The following OSBPL6 variants were observed in gnomAD, a reference collection of about 807,000 sequenced individuals.
OSBPL6 encodes oxysterol binding protein like 6.
Under a neutral mutation model 125.8 loss-of-function variants are expected in OSBPL6, and 49 were observed. That is an observed-to-expected ratio of 0.39 (90% CI 0.31 to 0.49). The LOEUF (loss-of-function observed/expected upper bound fraction) is 0.49, where lower values mean the gene tolerates loss of function less well. Ranked by LOEUF, OSBPL6 falls within the 20% of genes least tolerant of loss-of-function variation. The pLI is 0.88. For missense variants in OSBPL6, 986 were observed against 1,135.4 expected (o/e 0.87, Z 1.89); for synonymous variants, 394 against 391.8 (o/e 1.01, Z -0.07).
At chr2:178,257,351 A>G (rs2091918430) in intron 1 of OSBPL6, among the ~76,000 whole-genome samples, 2 of 152,180 alleles carry the variant, frequency 1.3e-5, no homozygotes, top group South Asian at 4.1e-4. Flanking sequence ...AAATTTTTGC[A>G]TTTTTAGGAA....
At chr2:178,249,252 T>C (rs1019658484) in intron 1 of OSBPL6, among the ~76,000 whole-genome samples, 10 of 152,242 alleles carry the variant, frequency 6.6e-5, no homozygotes, top group Admixed American at 3.3e-4. Flanking sequence ...TATTGTATTT[T>C]TTAAGCAAAA....
intron 12 of OSBPL6, among the ~76,000 whole-genome samples, chr2:178,352,181 T>C (rs1691322007): frequency 6.6e-6 from 1 of 152,084 alleles, no homozygotes; most frequent in Admixed American, 6.5e-5. Context: ...ATGCAGAAGA[T>C]GGGTGATTTC....
At chr2:178,282,937 G>A (rs1320376196) in intron 1 of OSBPL6, among the ~76,000 whole-genome samples, 1 of 152,200 alleles carries the variant, frequency 6.6e-6, no homozygotes, top group East Asian at 1.9e-4. Flanking sequence ...ACAGGTGTGA[G>A]CCACTGCGCC....
intron 2 of OSBPL6, among the ~76,000 whole-genome samples, chr2:178,299,998 C>A (rs56876949): frequency 5.3e-4 from 80 of 152,172 alleles, no homozygotes; most frequent in African/African-American, 1.8e-3. Flanking sequence ...TAAATAGTTA[C>A]GCAAATATTT....
At chr2:178,307,960 T>C (rs1156975256) in intron 3 of OSBPL6, among the ~76,000 whole-genome samples, 1 of 152,102 alleles carries the variant, frequency 6.6e-6, no homozygotes, top group African/African-American at 2.4e-5. Context: ...AGCATGAAGG[T>C]GGAATGTGTG....
intron 4 of OSBPL6, among the ~76,000 whole-genome samples, chr2:178,325,539 T>C (rs947714690): frequency 6.6e-5 from 10 of 152,178 alleles, no homozygotes; most frequent in Admixed American, 1.3e-4. Flanking sequence ...AAATATAATA[T>C]GACTAGTAAT....
At chr2:178,391,971 A>G (rs372689249) in intron 22 of OSBPL6, among the ~76,000 whole-genome samples, 18 of 152,224 alleles carry the variant, frequency 1.2e-4, no homozygotes, top group African/African-American at 4.3e-4. Flanking sequence ...AAGACATACA[A>G]AGATCCTGCC....
intron 3 of OSBPL6, among the ~76,000 whole-genome samples, chr2:178,323,417 T>C (rs757445537): frequency 6.6e-6 from 1 of 152,226 alleles, no homozygotes; most frequent in Non-Finnish European, 1.5e-5. Flanking sequence ...TGTGCGTTTT[T>C]GTAAGAAACT....
rs1224093931 is a variant in OSBPL6 at position 178,394,306 on chromosome 2, T to C, written c.2574-7T>C. On this transcript the variant is annotated splice_polypyrimidine_tract_variant and splice_region_variant and intron_variant, in intron 23 of 24. Transcript: ENST00000190611. ...ATATGTTAAAATATCAACTGCTTTC[T>C]GCTTAGATTTTTGGAAGAAGGAAAT... 2 of 1,610,532 alleles carry C rather than the reference T, an allele frequency of 1.2e-6. No individual in the cohort carries two copies. Among genetic ancestry groups the C allele is most frequent in the Non-Finnish European group, 1.7e-6 (2 of 1,179,260 alleles).
At chr2:178,287,261 T>A (rs1200058809) in intron 2 of OSBPL6, among the ~76,000 whole-genome samples, 1 of 151,174 alleles carries the variant, frequency 6.6e-6, no homozygotes, top group East Asian at 1.9e-4. Context: ...TAAGCAGATT[T>A]CAGGCCACAG....
chr2:178,295,440 G>A (rs896690374), intron 2 of OSBPL6, among the ~76,000 whole-genome samples: 8 of 152,288 alleles, frequency 5.3e-5, no homozygotes, highest in African/African-American at 1.9e-4. Flanking sequence ...CTTGAATATT[G>A]TCTAAGGCTA....
intron 17 of OSBPL6, among the ~76,000 whole-genome samples, chr2:178,383,737 G>T (rs1256529558): frequency 6.6e-6 from 1 of 152,200 alleles, no homozygotes; most frequent in Admixed American, 6.5e-5. Context: ...TCATGCCTGT[G>T]GCAGAACCAA....
At chr2:178,382,013 T>C (rs1343209456) in intron 15 of OSBPL6, among the ~76,000 whole-genome samples, 3 of 152,216 alleles carry the variant, frequency 2.0e-5, no homozygotes, top group African/African-American at 4.8e-5. Flanking sequence ...AGTTTAAATA[T>C]TGCCCCCTGG....
intron 8 of OSBPL6, among the ~76,000 whole-genome samples, chr2:178,334,102 A>T (rs1208195771): frequency 3.3e-5 from 5 of 151,598 alleles, no homozygotes; most frequent in South Asian, 2.1e-4. Flanking sequence ...GTTGTTTGTT[A>T]AAAAAAAATC....
chr2:178,328,170 A>G, intron 4 of OSBPL6, 86 bp from the exon 5 acceptor site: 1 of 1,569,900 alleles, frequency 6.4e-7, no homozygotes, highest in Non-Finnish European at 8.6e-7. Flanking sequence ...GTACTGCTTC[A>G]AAAGCAACTT....
chr2:178,312,204 C>G (rs1687342468), intron 3 of OSBPL6, among the ~76,000 whole-genome samples: 1 of 147,388 alleles, frequency 6.8e-6, no homozygotes, highest in Non-Finnish European at 1.5e-5. Flanking sequence ...TCTTTTTGCC[C>G]AGGCTGGAGT....
In OSBPL6 at chr2:178,282,336, C is replaced by T. The variant is rs919048632; in HGVS notation, c.-350-2591C>T. Among the ~76,000 whole-genome samples the T allele has an allele frequency of 8.5e-5, 13 of 152,290 alleles. No individual in the cohort carries two copies. In the East Asian group the frequency reaches 1.9e-3, roughly 23 times the overall value. Reference sequence around the variant, plus strand: ...CTTAGATATGGTTAGTGAGATTCAACTTGTCTTATCCCTCCCCTCTGCTGC... The same window carrying T: ...CTTAGATATGGTTAGTGAGATTCAATTTGTCTTATCCCTCCCCTCTGCTGC... On this transcript the variant is annotated intron_variant, in intron 1 of 24. Coordinates refer to ENST00000190611, the MANE Select transcript of OSBPL6 (RefSeq NM_032523.4).
At chr2:178,306,931 C>T (rs990015787) in intron 3 of OSBPL6, among the ~76,000 whole-genome samples, 5 of 152,172 alleles carry the variant, frequency 3.3e-5, no homozygotes, top group African/African-American at 7.2e-5. Context: ...GAGCCTTCAT[C>T]GTATGAATGT....
chr2:178,197,565 A>G (rs533891196), intron 1 of OSBPL6, among the ~76,000 whole-genome samples: 1 of 152,316 alleles, frequency 6.6e-6, no homozygotes, highest in Admixed American at 6.5e-5. Context: ...CCATGCATAG[A>G]TACCTATGAT....
Sources: gnomAD v4.1 joint callset for allele counts (sites outside exome capture counted in the v4.1 genomes callset) on GRCh38, gnomAD v4.1.1 for gene constraint, MANE v1.5 for transcripts, NCBI Gene and HGNC (gene_info 2026-07-23, HGNC 2026-07-21) for gene names.